Variants in BMP5 observed in about 807,000 individuals in gnomAD.
BMP5 encodes the protein bone morphogenetic protein 5.
BMP5 carries 23 observed loss-of-function variants against 46.6 expected under a neutral mutation model. The observed-to-expected ratio is 0.49, with a 90% CI of 0.35 to 0.70. The LOEUF is 0.70. Ranked by LOEUF, BMP5 falls within the 30% of genes least tolerant of loss-of-function variation. BMP5 has a pLI of 0.00. For synonymous variants in BMP5, 204 were observed against 191.9 expected (o/e 1.06, Z -0.52); for missense variants, 545 against 565.6 (o/e 0.96, Z 0.37).
intron 1 of BMP5, among the ~76,000 whole-genome samples, chr6:55,845,187 T>C (rs1430575521): frequency 1.3e-5 from 2 of 152,086 alleles, no homozygotes; most frequent in East Asian, 3.8e-4. Flanking sequence ...CTTACTTCAA[T>C]GGACATTTAT....
At chr6:55,810,863 A>C (rs968098334) in intron 2 of BMP5, among the ~76,000 whole-genome samples, 4 of 152,164 alleles carry the variant, frequency 2.6e-5, no homozygotes, top group African/African-American at 9.7e-5. Context: ...CTACTCCAGC[A>C]TATCTACGCA....
rs57238989 is a variant in BMP5 at position 55,869,000 on chromosome 6, G to T, written c.490+5376C>A. Among the ~76,000 whole-genome samples the T allele has an allele frequency of 7.9e-3, 1,208 of 152,272 alleles. 19 individuals carry two copies. Among genetic ancestry groups the T allele is most frequent in the African/African-American group, 0.027 (1,126 of 41,556 alleles). On this transcript the variant is annotated intron_variant, in intron 1 of 6. Coordinates refer to ENST00000370830, the MANE Select transcript of BMP5 (RefSeq NM_021073.4). The stretch of plus-strand genomic sequence containing the variant: ...CACTCATAAATATTACTTAGAACAA[G>T]GGATTCATTGTTTCTCTCCAACCCT...
intron 3 of BMP5, among the ~76,000 whole-genome samples, chr6:55,774,983 T>TTTA (rs1775139694): frequency 1.3e-5 from 2 of 151,942 alleles, no homozygotes; most frequent in African/African-American, 4.8e-5. Context: ...TGAAAGGAAT[T>TTTA]CAGAAGAGGC....
At chr6:55,809,143 C>G (rs181332698) in intron 2 of BMP5, among the ~76,000 whole-genome samples, 1 of 152,134 alleles carries the variant, frequency 6.6e-6, no homozygotes, top group Non-Finnish European at 1.5e-5. Flanking sequence ...TGAATATTCT[C>G]TAAATGAAAA....
intron 2 of BMP5, among the ~76,000 whole-genome samples, chr6:55,817,218 A>G (rs1338957351): frequency 1.3e-5 from 2 of 152,212 alleles, no homozygotes; most frequent in Admixed American, 1.3e-4. Context: ...TAGAACTAGA[A>G]ATACCATTTG....
rs886368673 is a variant in BMP5, at chr6:55,761,220, C to T, written c.1028-687G>A. Among the ~76,000 whole-genome samples the T allele has an allele frequency of 3.9e-5, 6 of 152,140 alleles. No individual in the cohort carries two copies. In the South Asian group the frequency reaches 1.0e-3, roughly 26 times the overall value. ...TAAGTCCAAAATGCACCTGCTCTCA[C>T]GCCCTTCATAATTGGTCTTGGTCCA... On this transcript the variant is annotated intron_variant, in intron 4 of 6. Coordinates refer to ENST00000370830, the MANE Select transcript of BMP5 (RefSeq NM_021073.4).
At chr6:55,760,603 A>T in intron 4 of BMP5, 70 bp from the exon 5 acceptor site, 1 of 1,366,198 alleles carries the variant, frequency 7.3e-7, no homozygotes, top group Non-Finnish European at 1.0e-6. Context: ...TTGTGAGATC[A>T]CTGGTAAGAT....
At chr6:55,769,318 T>C (rs1172068720) in intron 4 of BMP5, among the ~76,000 whole-genome samples, 1 of 151,972 alleles carries the variant, frequency 6.6e-6, no homozygotes, top group Non-Finnish European at 1.5e-5. Context: ...AAATGCTAAA[T>C]CCTTTGTTGT....
Position 55,755,699 on chromosome 6 carries a change from G to A in BMP5, c.1216-17C>T, listed in dbSNP as rs751671547. On this transcript the variant is annotated splice_polypyrimidine_tract_variant and intron_variant, in intron 6 of 6. Coordinates refer to ENST00000370830, the MANE Select transcript of BMP5 (RefSeq NM_021073.4). The stretch of plus-strand genomic sequence containing the variant: ...CAGATGAACCTGGGAAAGAAAAAAG[G>A]TTTTGTTTTATTAAGAAATAAAATA... 25 of 1,608,972 alleles carry A rather than the reference G, an allele frequency of 1.6e-5. No homozygotes were observed. The Admixed American group carries it at 2.7e-4, about 17-fold the overall frequency.
chr6:55,812,513 C>T (rs1488411730), intron 2 of BMP5, among the ~76,000 whole-genome samples: 2 of 152,160 alleles, frequency 1.3e-5, no homozygotes, highest in African/African-American at 4.8e-5. Context: ...GTCCAAATTA[C>T]TGTACAGATC....
chr6:55,866,223 A>G (rs1297846739), intron 1 of BMP5, among the ~76,000 whole-genome samples: 2 of 152,140 alleles, frequency 1.3e-5, no homozygotes, highest in Admixed American at 6.6e-5. Flanking sequence ...GAGTTGTTCT[A>G]TTCAGTGTTT....
chr6:55,848,374 A>G (rs1426521896), intron 1 of BMP5, among the ~76,000 whole-genome samples: 1 of 152,050 alleles, frequency 6.6e-6, no homozygotes. Flanking sequence ...TTTTCCATTT[A>G]GTAATAACAC....
At chr6:55,824,223 A>T (rs1776477321) in intron 1 of BMP5, among the ~76,000 whole-genome samples, 1 of 151,970 alleles carries the variant, frequency 6.6e-6, no homozygotes, top group African/African-American at 2.4e-5. Context: ...AGTATGCTAT[A>T]ACCTACTGCA....
intron 1 of BMP5, among the ~76,000 whole-genome samples, chr6:55,869,538 A>G (rs1777730611): frequency 6.6e-6 from 1 of 152,120 alleles, no homozygotes; most frequent in Non-Finnish European, 1.5e-5. Flanking sequence ...ATAAACACAA[A>G]AGCTTTTTAT....
Position 55,819,639 on chromosome 6 carries a change from A to G in BMP5, c.683+16T>C. ...ATATATTTGCCAGGATAATAAGTTA[A>G]ATAAAAAGATTATACCTATTTGTGT... On this transcript the variant is annotated intron_variant, in intron 2 of 6. Coordinates refer to ENST00000370830, the MANE Select transcript of BMP5 (RefSeq NM_021073.4). 1.3e-6 allele frequency: 2 copies of G among 1,583,134 alleles called. No individual in the cohort carries two copies. The highest frequency in any genetic ancestry group is 1.7e-6 in the Non-Finnish European group (2 of 1,153,146).
intron 1 of BMP5, among the ~76,000 whole-genome samples, chr6:55,842,217 G>A (rs1776979326): frequency 6.6e-6 from 1 of 152,104 alleles, no homozygotes; most frequent in East Asian, 1.9e-4. Context: ...TCTTAGAGCG[G>A]ATCTATTTCA....
chr6:55,805,993 A>G (rs1775979318), intron 2 of BMP5, among the ~76,000 whole-genome samples: 1 of 152,150 alleles, frequency 6.6e-6, no homozygotes, highest in African/African-American at 2.4e-5. Context: ...AGTAGAATAC[A>G]AACATTTTCT....
intron 1 of BMP5, among the ~76,000 whole-genome samples, chr6:55,852,699 A>G (rs1301508108): frequency 1.3e-5 from 2 of 152,144 alleles, no homozygotes; most frequent in Non-Finnish European, 2.9e-5. Flanking sequence ...TACAGTTAAA[A>G]CTTGTAGCAT....
At chr6:55,827,908 A>G (rs1428436555) in intron 1 of BMP5, among the ~76,000 whole-genome samples, 3 of 151,868 alleles carry the variant, frequency 2.0e-5, no homozygotes, top group Non-Finnish European at 4.4e-5. Context: ...AAATAAAGGC[A>G]TAACTGTCTG....
Sources: allele counts gnomAD v4.1 joint callset (sites outside exome capture counted in the v4.1 genomes callset), GRCh38; gene constraint gnomAD v4.1.1; transcripts MANE v1.5; gene names NCBI Gene and HGNC (gene_info 2026-07-23, HGNC 2026-07-21).